Variants in GNB4 observed in about 807,000 individuals in gnomAD.
GNB4 encodes the protein guanine nucleotide-binding protein subunit beta-4.
A neutral mutation model predicts 45.2 loss-of-function variants in GNB4; 28 were observed. The observed-to-expected ratio is 0.62, with a 90% confidence interval of 0.46 to 0.85. The LOEUF (loss-of-function observed/expected upper bound fraction) is 0.85, where lower values mean the gene tolerates loss of function less well. GNB4 is among the 40% of genes least tolerant of loss of function. GNB4 has a pLI of 0.00. For synonymous variants in GNB4, 132 were observed against 143.7 expected, an observed-to-expected ratio of 0.92 and a Z score of 0.58; for missense variants, 321 against 425.4, an observed-to-expected ratio of 0.75 and a Z score of 2.16.
chr3:179,448,599 GACTA>G (rs1219555047), intron 1 of GNB4, among the ~76,000 whole-genome samples: 1 of 151,824 alleles, frequency 6.6e-6, no homozygotes, highest in African/African-American at 2.4e-5. Context: ...ACATAAAAAA[GACTA>G]ACAGTTTCCA....
At chr3:179,406,585 A>C in intron 8 of GNB4, among the ~76,000 whole-genome samples, 1 of 152,096 alleles carries the variant, frequency 6.6e-6, no homozygotes, top group Admixed American at 6.6e-5. Context: ...TCTTAAATTC[A>C]ACAGGATGTG....
chr3:179,510,686 G>C, the GNB4 span, among the ~76,000 whole-genome samples: 1 of 152,002 alleles, frequency 6.6e-6, no homozygotes, highest in African/African-American at 2.4e-5. Flanking sequence ...GAATCCCTGA[G>C]GCAAATCTCC....
At chr3:179,470,226 T>C in the GNB4 span, among the ~76,000 whole-genome samples, 1 of 152,148 alleles carries the variant, frequency 6.6e-6, no homozygotes, top group East Asian at 1.9e-4. Flanking sequence ...CTACAACTTA[T>C]AAAAAGAAAA....
At chr3:179,477,220 A>G in the GNB4 span, among the ~76,000 whole-genome samples, 1 of 152,186 alleles carries the variant, frequency 6.6e-6, no homozygotes, top group Non-Finnish European at 1.5e-5. Flanking sequence ...AATTCTTTAC[A>G]AGGTCAGCCT....
At chr3:179,480,200 C>G in the GNB4 span, among the ~76,000 whole-genome samples, 1 of 152,210 alleles carries the variant, frequency 6.6e-6, no homozygotes, top group Non-Finnish European at 1.5e-5. Context: ...TTACCAGCAT[C>G]CAGAACTGTG....
chr3:179,513,850 A>T, the GNB4 span, among the ~76,000 whole-genome samples: 1 of 152,258 alleles, frequency 6.6e-6, no homozygotes, highest in Non-Finnish European at 1.5e-5. Context: ...GAAATATAGA[A>T]AATATAAAAT....
chr3:179,398,677 CAG>C lies in GNB4; in HGVS notation c.*2534_*2535del, dbSNP rs1049628186. On this transcript the variant is annotated 3_prime_UTR_variant, in exon 10 of 10. Transcript: ENST00000232564. ...TACTCATTGAATTCAGGAACAATAA[CAG>C]AATTCAACAATCAGCTCAACTTAAA... 6.6e-6 allele frequency: 1 copy of C among 152,132 alleles called. No homozygotes were observed. Among genetic ancestry groups the C allele is most frequent in the East Asian group, 1.9e-4 (1 of 5,200 alleles). The allele number at this position is 152,132 out of a possible 1,614,324, so 9.4% of individuals were successfully genotyped here. A position where few individuals can be genotyped will look rare whatever the true frequency, so the allele number is the denominator to read the frequency against.
At chr3:179,493,956 C>T in the GNB4 span, among the ~76,000 whole-genome samples, 1 of 152,206 alleles carries the variant, frequency 6.6e-6, no homozygotes, top group African/African-American at 2.4e-5. Context: ...CTAGCTTGTG[C>T]ACCCATGGAG....
At chr3:179,510,760 C>G in the GNB4 span, among the ~76,000 whole-genome samples, 1 of 152,164 alleles carries the variant, frequency 6.6e-6, no homozygotes, top group Admixed American at 6.5e-5. Flanking sequence ...TTGTTATAGG[C>G]TGACATTCCT....
At chr3:179,515,400 A>G in the GNB4 span, among the ~76,000 whole-genome samples, 9 of 152,164 alleles carry the variant, frequency 5.9e-5, no homozygotes, top group Non-Finnish European at 1.3e-4. Context: ...AAGTCCAAAA[A>G]GAGTCAGTGA....
chr3:179,475,640 T>C, the GNB4 span, among the ~76,000 whole-genome samples: 4 of 151,386 alleles, frequency 2.6e-5, no homozygotes, highest in Admixed American at 6.6e-5. Flanking sequence ...ACCCGGCTAA[T>C]TTTTTGTATT....
At chr3:179,509,802 A>G in the GNB4 span, among the ~76,000 whole-genome samples, 1 of 152,062 alleles carries the variant, frequency 6.6e-6, no homozygotes, top group African/African-American at 2.4e-5. Context: ...TTGGTTGTCC[A>G]CATTTCACAT....
chr3:179,506,648 T>C, the GNB4 span, among the ~76,000 whole-genome samples: 1 of 152,168 alleles, frequency 6.6e-6, no homozygotes, highest in African/African-American at 2.4e-5. Context: ...CTCTGGGGCT[T>C]CAGAATTCAT....
chr3:179,427,933 A>C lies in GNB4; in HGVS notation c.-42-1691T>G, dbSNP rs546455414. Among the ~76,000 whole-genome samples the C allele has an allele frequency of 2.0e-5, 3 of 152,196 alleles. No homozygotes were observed. The East Asian group carries it at 5.8e-4, about 30-fold the overall frequency. On this transcript the variant is annotated intron_variant, in intron 1 of 9. Transcript: ENST00000232564. ...TGACTTTTTCTGCTCCCCTAAGTACAAAACCCAAGCCTATAACTTTTTAGG... is the reference window on the plus strand; with the variant it reads ...TGACTTTTTCTGCTCCCCTAAGTACCAAACCCAAGCCTATAACTTTTTAGG...
intron 9 of GNB4, 81 bp from the exon 10 acceptor site, chr3:179,401,400 C>T (rs1016318121): frequency 3.0e-6 from 2 of 665,356 alleles, no homozygotes; most frequent in Non-Finnish European, 4.9e-6. Flanking sequence ...TAAAAGGGTG[C>T]TTATAAACTA....
At chr3:179,446,212 A>T (rs1486984906) in intron 1 of GNB4, among the ~76,000 whole-genome samples, 1 of 152,208 alleles carries the variant, frequency 6.6e-6, no homozygotes, top group Non-Finnish European at 1.5e-5. Context: ...CTTGGCACAA[A>T]GGTGGTAGTG....
the GNB4 span, among the ~76,000 whole-genome samples, chr3:179,508,064 G>A: frequency 6.6e-6 from 1 of 152,178 alleles, no homozygotes; most frequent in Non-Finnish European, 1.5e-5. Flanking sequence ...GTTAGTTCAA[G>A]GAGAAGACTG....
chr3:179,407,498 C>T (rs570180831), intron 8 of GNB4, among the ~76,000 whole-genome samples: 1 of 152,200 alleles, frequency 6.6e-6, no homozygotes, highest in East Asian at 1.9e-4. Context: ...ATTCCTACAG[C>T]TGCTCCATCT....
chr3:179,489,017 A>ATAT, the GNB4 span, among the ~76,000 whole-genome samples: 1 of 27,306 alleles, frequency 3.7e-5, no homozygotes, highest in African/African-American at 1.6e-4. Context: ...AAAAAAAAAA[A>ATAT]AAATATATAT....
Sources: allele counts gnomAD v4.1 joint callset (sites outside exome capture counted in the v4.1 genomes callset), GRCh38; gene constraint gnomAD v4.1.1; transcripts MANE v1.5; gene names NCBI Gene and HGNC (gene_info 2026-07-23, HGNC 2026-07-21).